DLC1: variants seen among roughly 807,000 people sequenced by gnomAD.
DLC1 encodes the protein rho GTPase-activating protein 7.
DLC1 carries 54 observed loss-of-function variants against 140.3 expected under a neutral mutation model. The ratio of observed to expected loss-of-function variants is 0.38; its 90% confidence interval spans 0.31 to 0.48. DLC1 has a LOEUF of 0.48. Ranked by LOEUF, DLC1 falls within the 20% of genes least tolerant of loss-of-function variation. DLC1 has a pLI of 0.96. For missense variants in DLC1, 2,536 were observed against 1,907.0 expected, an observed-to-expected ratio of 1.33 and a Z score of -6.14; for synonymous variants, 986 against 728.1, an observed-to-expected ratio of 1.35 and a Z score of -5.70.
chr8:13,506,562 C>G (rs914701380), intron 1 of DLC1, among the ~76,000 whole-genome samples: 2 of 76,904 alleles, frequency 2.6e-5, no homozygotes, highest in African/African-American at 5.8e-5. Context: ...CACACACACA[C>G]ACACATGTGT....
chr8:13,343,877 A>G (rs1171762753), intron 4 of DLC1, among the ~76,000 whole-genome samples: 1 of 152,110 alleles, frequency 6.6e-6, no homozygotes, highest in Non-Finnish European at 1.5e-5. Context: ...TGAATCTAAC[A>G]TTTCTTATCA....
intron 5 of DLC1, among the ~76,000 whole-genome samples, chr8:13,268,291 TC>T (rs1348968476): frequency 1.3e-5 from 2 of 152,202 alleles, no homozygotes; most frequent in Admixed American, 1.3e-4. Flanking sequence ...AATGGCCAGT[TC>T]ATTAAGGATG....
chr8:13,258,513 T>C (rs34589459), intron 5 of DLC1, among the ~76,000 whole-genome samples: 5,549 of 152,276 alleles, frequency 0.036, 154 homozygotes, highest in South Asian at 0.067. Flanking sequence ...AAGAACACAA[T>C]GGACTTTGGA....
At chr8:13,332,966 T>C (rs2116950944) in intron 4 of DLC1, among the ~76,000 whole-genome samples, 1 of 152,276 alleles carries the variant, frequency 6.6e-6, no homozygotes, top group African/African-American at 2.4e-5. Context: ...AAATTTATGT[T>C]TATCCTCCCT....
intron 2 of DLC1, among the ~76,000 whole-genome samples, chr8:13,449,893 G>T (rs1441969665): frequency 2.0e-5 from 3 of 151,812 alleles, no homozygotes; most frequent in Non-Finnish European, 4.4e-5. Flanking sequence ...ATCAAAATCT[G>T]TATCAAGAAC....
chr8:13,453,449 CA>C (rs1356535965), intron 2 of DLC1, among the ~76,000 whole-genome samples: 3 of 10,556 alleles, frequency 2.8e-4, no homozygotes, highest in Non-Finnish European at 4.2e-4. Flanking sequence ...TATATATATA[CA>C]TATATATATG....
chr8:13,091,254 G>C (rs1386228611), intron 14 of DLC1, 64 bp downstream of exon 14: 2 of 1,533,694 alleles, frequency 1.3e-6, no homozygotes, highest in African/African-American at 1.4e-5. Context: ...CAAGGGTCAA[G>C]CCTAAGATTT....
At chr8:13,466,181 T>C (rs995491916) in intron 2 of DLC1, among the ~76,000 whole-genome samples, 1 of 152,128 alleles carries the variant, frequency 6.6e-6, no homozygotes, top group Non-Finnish European at 1.5e-5. Context: ...GAATCCTGCT[T>C]AGGTAACACC....
intron 5 of DLC1, among the ~76,000 whole-genome samples, chr8:13,120,421 C>T (rs1326307359): frequency 1.5e-5 from 2 of 132,170 alleles, no homozygotes; most frequent in Non-Finnish European, 3.3e-5. Flanking sequence ...TAACAATGAA[C>T]AAAATCTAAA....
At chr8:13,411,369 A>C (rs993486658) in intron 2 of DLC1, among the ~76,000 whole-genome samples, 1 of 152,216 alleles carries the variant, frequency 6.6e-6, no homozygotes, top group African/African-American at 2.4e-5. Context: ...AAAACTATGG[A>C]GAGGGTAAGA....
intron 12 of DLC1, among the ~76,000 whole-genome samples, chr8:13,093,806 C>A (rs934290374): frequency 2.0e-5 from 3 of 152,140 alleles, no homozygotes; most frequent in African/African-American, 7.2e-5. Context: ...ACAATTTGAG[C>A]GCTAAGAGAG....
intron 1 of DLC1, 134 bp from the exon 2 acceptor site, chr8:13,500,330 T>G (rs542650418): frequency 1.9e-4 from 64 of 344,524 alleles, no homozygotes; most frequent in Non-Finnish European, 3.1e-4. Flanking sequence ...GTAGCTTTAA[T>G]AATGTCATTT....
chr8:13,375,936 A>G (rs1303691865), intron 4 of DLC1, among the ~76,000 whole-genome samples: 1 of 152,168 alleles, frequency 6.6e-6, no homozygotes, highest in African/African-American at 2.4e-5. Flanking sequence ...AATATCAAGG[A>G]ATAAGGAGAT....
rs755020654 is a variant in DLC1 at position 13,506,556 on chromosome 8, C to CAG, written c.-125-6361_-125-6360insCT. On this transcript the variant is annotated intron_variant, in intron 1 of 17. Transcript: ENST00000276297. ...ATACACACACATGGACACACACACA[C>CAG]ACACACACACATGTGTGTGTGTGTG... 2.1e-3 allele frequency among the ~76,000 whole-genome samples: 177 copies of CAG among 84,776 alleles called. 1 individual carries two copies. The highest frequency in any genetic ancestry group is 6.2e-3 in the African/African-American group (131 of 21,292). The allele number at this position is 84,776 out of a possible 152,430, so 55.6% of individuals were successfully genotyped here. A position where few individuals can be genotyped will look rare whatever the true frequency, so the allele number is the denominator to read the frequency against.
chr8:13,495,085 A>G (rs929352875), intron 2 of DLC1, among the ~76,000 whole-genome samples: 10 of 152,174 alleles, frequency 6.6e-5, no homozygotes, highest in African/African-American at 9.7e-5. Context: ...TTATCTTTGC[A>G]TCTTTTTTGG....
intron 5 of DLC1, among the ~76,000 whole-genome samples, chr8:13,244,817 G>A (rs564874719): frequency 1.3e-5 from 2 of 152,232 alleles, no homozygotes; most frequent in South Asian, 4.1e-4. Flanking sequence ...TCACCTGTAT[G>A]TTATAGTATA....
chr8:13,498,876 AT>A, intron 2 of DLC1, 172 bp downstream of exon 2: 1 of 648,956 alleles, frequency 1.5e-6, no homozygotes, highest in Non-Finnish European at 2.5e-6. Flanking sequence ...TTATTCTTTA[AT>A]TTTTACATAT....
At chr8:13,363,125 C>G (rs1217442745) in intron 4 of DLC1, among the ~76,000 whole-genome samples, 2 of 152,230 alleles carry the variant, frequency 1.3e-5, no homozygotes, top group Non-Finnish European at 2.9e-5. Flanking sequence ...AAACATCACA[C>G]AAATATTTGT....
At position 13,323,150 on chromosome 8, in the gene DLC1, C is replaced by T. The variant is rs1025882823; in HGVS notation, c.1315-17848G>A. Among the ~76,000 whole-genome samples the T allele has an allele frequency of 4.6e-5, 7 of 152,258 alleles. No homozygotes were observed. The South Asian group carries it at 8.3e-4, about 18-fold the overall frequency. On this transcript the variant is annotated intron_variant, in intron 4 of 17. Coordinates refer to ENST00000276297, the MANE Select transcript of DLC1 (RefSeq NM_182643.3). ...GCTCTGTTCCTGAATTTCTGGCACA[C>T]GGCAACTGTGTGAGATTATATACGT...
Sources: allele counts gnomAD v4.1 joint callset (sites outside exome capture counted in the v4.1 genomes callset), GRCh38; gene constraint gnomAD v4.1.1; transcripts MANE v1.5; gene names NCBI Gene and HGNC (gene_info 2026-07-23, HGNC 2026-07-21).